Variants in UGT2A3 observed in about 807,000 individuals in gnomAD.
UGT2A3 encodes the protein UDP glucuronosyltransferase family 2 member A3.
Under a neutral mutation model 44.1 loss-of-function variants are expected in UGT2A3, and 55 were observed. That is an observed-to-expected ratio of 1.25 (90% CI 1.00 to 1.56). UGT2A3 has a LOEUF of 1.56. Among genes scored for constraint, UGT2A3 ranks in the 40% most tolerant of loss-of-function variants. UGT2A3 has a pLI of 0.00. For missense variants in UGT2A3, 733 were observed against 621.6 expected (o/e 1.18, Z -1.91); for synonymous variants, 243 against 215.1 (o/e 1.13, Z -1.13).
chr4:68,935,233 C>T (rs1717889760), intron 2 of UGT2A3, among the ~76,000 whole-genome samples: 1 of 144,754 alleles, frequency 6.9e-6, no homozygotes, highest in Non-Finnish European at 1.5e-5. Context: ...TAGCATTACC[C>T]TGATCCCACA....
intron 4 of UGT2A3, 31 bp downstream of exon 4, chr4:68,931,124 A>C (rs1157333744): frequency 6.5e-7 from 1 of 1,532,344 alleles, no homozygotes; most frequent in South Asian, 1.2e-5. Flanking sequence ...TTCCTCGTCT[A>C]GTTCATATTT....
At chr4:68,938,730 G>T (rs1207799382) in intron 2 of UGT2A3, among the ~76,000 whole-genome samples, 2 of 152,036 alleles carry the variant, frequency 1.3e-5, no homozygotes, top group African/African-American at 4.8e-5. Context: ...AAGAAGAAAG[G>T]ATATTCAATT....
intron 3 of UGT2A3, 47 bp downstream of exon 3, chr4:68,932,581 T>G: frequency 6.4e-7 from 1 of 1,567,668 alleles, no homozygotes; most frequent in South Asian, 1.2e-5. Context: ...AACCATACTG[T>G]TTCATTATGT....
chr4:68,941,303 C>A (rs962248481), intron 2 of UGT2A3, among the ~76,000 whole-genome samples: 1 of 151,782 alleles, frequency 6.6e-6, no homozygotes, highest in Non-Finnish European at 1.5e-5. Flanking sequence ...ATTTGCTAGT[C>A]TCATGTGTTC....
rs542447108 is a variant in UGT2A3, at chr4:68,945,007, A to G, written c.864+299T>C. Among the ~76,000 whole-genome samples, 11 of 151,884 alleles carry G rather than the reference A, an allele frequency of 7.2e-5. 1 individual carries two copies. Among genetic ancestry groups the G allele is most frequent in the African/African-American group, 2.4e-4 (10 of 41,512 alleles). On this transcript the variant is annotated intron_variant, in intron 2 of 5. Transcript: ENST00000251566. ...ATTTGATTGTGAGAAAGGCTAGAGCATTCTTTTTAGTGATCTTCATGGCTC... is the reference window on the plus strand; with the variant it reads ...ATTTGATTGTGAGAAAGGCTAGAGCGTTCTTTTTAGTGATCTTCATGGCTC...
At position 68,930,505 on chromosome 4, in the gene UGT2A3, T is replaced by C. The variant is rs3792630; in HGVS notation, c.1304+41A>G. 778 of 1,514,910 alleles carry C rather than the reference T, an allele frequency of 5.1e-4. 7 individuals are homozygous for C. The East Asian group carries it at 0.016, about 30-fold the overall frequency. The allele number at this position is 1,514,910 out of a possible 1,614,324, so 93.8% of individuals were successfully genotyped here. On this transcript the variant is annotated intron_variant, in intron 5 of 5. Transcript: ENST00000251566. The stretch of plus-strand genomic sequence containing the variant: ...ACATTTTCTGGTATAATGTATAACA[T>C]AGTCAATGTTAGATCAGTCTGTACA...
intron 1 of UGT2A3, among the ~76,000 whole-genome samples, chr4:68,950,225 G>A (rs954460643): frequency 6.6e-6 from 1 of 151,860 alleles, no homozygotes; most frequent in African/African-American, 2.4e-5. Context: ...ATCAATACAT[G>A]TAAATTCAAA....
rs1717659690 is a variant in UGT2A3, at chr4:68,929,911, G to T, written c.1486C>A (p.Leu496Met). The T allele has an allele frequency of 2.5e-6, 4 of 1,613,510 alleles. No individual in the cohort carries two copies. The highest frequency in any genetic ancestry group is 2.5e-6 in the Non-Finnish European group (3 of 1,179,598). Residue 496 changes from leucine to methionine, a missense_variant, in exon 6 of 6, where the codon CTG (leucine) becomes ATG (methionine). By Grantham distance (15) the Leu-to-Met change is conservative. Transcript: ENST00000251566. ...HYSIDVIGFL[L>M]ACVATAIFLF... ...AATATAGCAGTTGCCACACAGGCCA[G>T]CAGGAACCCAATCACATCTATAGAG...
At chr4:68,943,320 T>C (rs747978161) in intron 2 of UGT2A3, 1 of 1,272,188 alleles carries the variant, frequency 7.9e-7, no homozygotes, top group Non-Finnish European at 1.0e-6. Context: ...CCTTCTGTAT[T>C]TCTATTTTAG....
chr4:68,929,792 C>T lies in UGT2A3; in HGVS notation c.*21G>A. On this transcript the variant is annotated 3_prime_UTR_variant, in exon 6 of 6. Coordinates refer to ENST00000251566, the MANE Select transcript of UGT2A3 (RefSeq NM_024743.4). ...AATTAACAGGATTACCCCATCAGGTCTTTCTTGAATTTGGAAAGATCTATT... is the reference window on the plus strand; with the variant it reads ...AATTAACAGGATTACCCCATCAGGTTTTTCTTGAATTTGGAAAGATCTATT... 6.5e-7 allele frequency: 1 copy of T among 1,543,796 alleles called. No homozygotes were observed. Among genetic ancestry groups the T allele is most frequent in the Non-Finnish European group, 8.8e-7 (1 of 1,141,430 alleles).
At chr4:68,943,245 G>T (rs1399938745) in intron 2 of UGT2A3, 3 of 897,554 alleles carry the variant, frequency 3.3e-6, no homozygotes, top group Non-Finnish European at 4.5e-6. Context: ...AAAACTGGGA[G>T]TGTGGGAATA....
rs186461860 is a variant in UGT2A3 at position 68,943,741 on chromosome 4, T to C, written c.864+1565A>G. ...CAATGTGTTCAGTCAGGATTTTTAC[T>C]TACACACTGCCTCCTGGTAACCACC... On this transcript the variant is annotated intron_variant, in intron 2 of 5. Transcript: ENST00000251566. 8.3e-3 allele frequency among the ~76,000 whole-genome samples: 1,255 copies of C among 151,856 alleles called. 9 individuals are homozygous for C. Among genetic ancestry groups the C allele is most frequent in the Non-Finnish European group, 0.014 (969 of 67,838 alleles).
chr4:68,943,619 G>A (rs1330813276), intron 2 of UGT2A3, among the ~76,000 whole-genome samples: 4 of 151,428 alleles, frequency 2.6e-5, no homozygotes, highest in East Asian at 2.0e-4. Flanking sequence ...ATGTTGTCTG[G>A]CTATGCATTT....
At chr4:68,950,767 C>T (rs1319492254) in intron 1 of UGT2A3, among the ~76,000 whole-genome samples, 1 of 151,772 alleles carries the variant, frequency 6.6e-6, no homozygotes, top group Non-Finnish European at 1.5e-5. Flanking sequence ...GACTAACAAT[C>T]AGTGATTCTC....
chr4:68,944,469 A>G (rs1338206878), intron 2 of UGT2A3, among the ~76,000 whole-genome samples: 1 of 151,754 alleles, frequency 6.6e-6, no homozygotes, highest in Non-Finnish European at 1.5e-5. Flanking sequence ...AACTATAACA[A>G]CTATTACTCA....
rs1442602288 is a variant in UGT2A3 at position 68,942,538 on chromosome 4, T to TATATAC, written c.864+2767_864+2768insGTATAT. On this transcript the variant is annotated intron_variant, in intron 2 of 5. Coordinates refer to ENST00000251566, the MANE Select transcript of UGT2A3 (RefSeq NM_024743.4). The stretch of plus-strand genomic sequence containing the variant: ...ATATATATATATATATATATATATA[T>TATATAC]ACATTTTCCAATGTTTATATATATC... 9.6e-4 allele frequency among the ~76,000 whole-genome samples: 137 copies of TATATAC among 143,018 alleles called. 2 individuals are homozygous for TATATAC. The highest frequency in any genetic ancestry group is 3.5e-3 in the East Asian group (17 of 4,918). 93.8% of individuals were successfully genotyped at this position (143,018 alleles called of 152,430 possible). A position where few individuals can be genotyped will look rare whatever the true frequency, so the allele number is the denominator to read the frequency against.
At position 68,930,676 on chromosome 4, in the gene UGT2A3, G is replaced by C; in HGVS notation, c.1174C>G (p.Pro392Ala). The C allele has an allele frequency of 6.2e-7, 1 of 1,613,270 alleles. No homozygotes were observed. Among genetic ancestry groups the C allele is most frequent in the Non-Finnish European group, 8.5e-7 (1 of 1,179,570 alleles). Residue 392 changes from proline (P) to alanine (A), a missense_variant, in exon 5 of 6, where the codon CCC becomes GCC. Pro to Ala is a conservative substitution (Grantham distance 27). Transcript: ENST00000251566. ...IYHGVPMVGV[P>A]IFGDQLDNIA... Reference sequence around the variant, plus strand: ...TTATCAAGCTGATCACCAAATATGGGAACTCCCACCATAGGGACCCCATGG... The same window carrying C: ...TTATCAAGCTGATCACCAAATATGGCAACTCCCACCATAGGGACCCCATGG...
chr4:68,941,757 A>G (rs1247223143), intron 2 of UGT2A3, among the ~76,000 whole-genome samples: 1 of 151,920 alleles, frequency 6.6e-6, no homozygotes, highest in Non-Finnish European at 1.5e-5. Context: ...TTACCATCTC[A>G]AATATACATA....
chr4:68,940,710 C>T (rs1185994617), intron 2 of UGT2A3, among the ~76,000 whole-genome samples: 3 of 147,186 alleles, frequency 2.0e-5, no homozygotes, highest in African/African-American at 7.4e-5. Flanking sequence ...ATATATAAAA[C>T]TTAAAGTATT....
Sources: gnomAD v4.1 joint callset for allele counts (sites outside exome capture counted in the v4.1 genomes callset) on GRCh38, gnomAD v4.1.1 for gene constraint, MANE v1.5 for transcripts, NCBI Gene and HGNC (gene_info 2026-07-23, HGNC 2026-07-21) for gene names.